Variants in CDC42BPA observed in about 807,000 individuals in gnomAD.
CDC42BPA encodes CDC42 binding protein kinase alpha.
Under a neutral mutation model 223.5 loss-of-function variants are expected in CDC42BPA, and 80 were observed. That is an observed-to-expected ratio of 0.36 (90% CI 0.30 to 0.43). The LOEUF (loss-of-function observed/expected upper bound fraction) is 0.43, where lower values mean the gene tolerates loss of function less well. Among genes scored for constraint, CDC42BPA ranks in the 20% least tolerant of loss-of-function variants. The probability of loss-of-function intolerance (pLI) is 1.00; values close to 1 mark genes in which losing one functional copy is unlikely to be tolerated. For missense variants in CDC42BPA, 1,743 were observed against 2,099.9 expected, an observed-to-expected ratio of 0.83 and a Z score of 3.32; for synonymous variants, 694 against 718.6, an observed-to-expected ratio of 0.97 and a Z score of 0.55.
At chr1:227,270,712 A>T (rs191850626) in intron 1 of CDC42BPA, among the ~76,000 whole-genome samples, 1 of 152,292 alleles carries the variant, frequency 6.6e-6, no homozygotes. Flanking sequence ...AGAACTCTGT[A>T]AACATTAAGC....
intron 4 of CDC42BPA, among the ~76,000 whole-genome samples, chr1:227,197,852 A>G (rs1025215878): frequency 6.6e-6 from 1 of 152,148 alleles, no homozygotes; most frequent in Non-Finnish European, 1.5e-5. Flanking sequence ...TTGTTCTTAC[A>G]AATGTTATTA....
intron 16 of CDC42BPA, among the ~76,000 whole-genome samples, chr1:227,083,461 G>A (rs1043350573): frequency 6.6e-6 from 1 of 152,072 alleles, no homozygotes; most frequent in Non-Finnish European, 1.5e-5. Context: ...CAAATCACAC[G>A]ATTAAAGTCC....
At chr1:227,264,922 C>A in intron 1 of CDC42BPA, 1 of 1,269,100 alleles carries the variant, frequency 7.9e-7, no homozygotes, top group South Asian at 1.2e-5. Flanking sequence ...GCTCAATACC[C>A]CACTCGGTAT....
At chr1:227,116,760 A>G (rs1687840501) in intron 12 of CDC42BPA, among the ~76,000 whole-genome samples, 1 of 152,174 alleles carries the variant, frequency 6.6e-6, no homozygotes, top group Non-Finnish European at 1.5e-5. Flanking sequence ...AAAGTCTTAA[A>G]AAGTAACTTA....
At chr1:227,203,280 C>T (rs1346150895) in intron 3 of CDC42BPA, among the ~76,000 whole-genome samples, 1 of 152,172 alleles carries the variant, frequency 6.6e-6, no homozygotes, top group African/African-American at 2.4e-5. Flanking sequence ...TCACACTGCT[C>T]TCAGTTGCTT....
intron 5 of CDC42BPA, among the ~76,000 whole-genome samples, chr1:227,188,444 G>T (rs753342210): frequency 2.7e-4 from 41 of 151,782 alleles, no homozygotes; most frequent in Non-Finnish European, 4.7e-4. Flanking sequence ...ATAAAATGCA[G>T]CTTCATTCAC....
At position 227,099,111 on chromosome 1, in the gene CDC42BPA, G is replaced by A. The variant is rs1048494383; in HGVS notation, c.2249+1881C>T. 1.1e-4 allele frequency among the ~76,000 whole-genome samples: 17 copies of A among 152,070 alleles called. 1 individual carries two copies. The highest frequency in any genetic ancestry group is 6.6e-5 in the Admixed American group (1 of 15,264). ...TCAGTGTAAACAAACCTACTGTGCTGTCGGCAGTATAAAAGTATAGCACAT... is the reference window on the plus strand; with the variant it reads ...TCAGTGTAAACAAACCTACTGTGCTATCGGCAGTATAAAAGTATAGCACAT... On this transcript the variant is annotated intron_variant, in intron 15 of 36. Coordinates refer to ENST00000366766, the MANE Select transcript of CDC42BPA (RefSeq NM_001394014.1).
chr1:227,074,175 A>G lies in CDC42BPA; in HGVS notation c.2586+84T>C, dbSNP rs1157558242. On this transcript the variant is annotated intron_variant, in intron 18 of 36. Transcript: ENST00000366766. Reference sequence around the variant, plus strand: ...AGGCTCAAAGTCTAAACAAACTGATATAAGTAATTGGATTTATTATAGTGT... The same window carrying G: ...AGGCTCAAAGTCTAAACAAACTGATGTAAGTAATTGGATTTATTATAGTGT... The G allele has an allele frequency of 9.1e-6, 12 of 1,323,298 alleles. No individual in the cohort carries two copies. In the East Asian group the frequency reaches 2.1e-4, roughly 23 times the overall value. The allele number at this position is 1,323,298 out of a possible 1,614,324, so 82.0% of individuals were successfully genotyped here. A position where few individuals can be genotyped will look rare whatever the true frequency, so the allele number is the denominator to read the frequency against.
intron 1 of CDC42BPA, among the ~76,000 whole-genome samples, chr1:227,290,207 C>T (rs935270498): frequency 6.6e-6 from 1 of 152,158 alleles, no homozygotes; most frequent in African/African-American, 2.4e-5. Flanking sequence ...TGCCTTTGAG[C>T]TTCCTTTCCA....
intron 21 of CDC42BPA, among the ~76,000 whole-genome samples, chr1:227,064,893 C>T (rs542271329): frequency 2.6e-5 from 4 of 152,040 alleles, no homozygotes; most frequent in African/African-American, 4.8e-5. Flanking sequence ...GTCAGGAGAT[C>T]AAGACCATCC....
chr1:227,253,572 G>A (rs1682491842), intron 2 of CDC42BPA, among the ~76,000 whole-genome samples: 1 of 151,336 alleles, frequency 6.6e-6, no homozygotes, highest in East Asian at 1.9e-4. Flanking sequence ...CTCCAGCCTG[G>A]GCAACAGAGG....
At chr1:227,185,583 G>C (rs1668635960) in intron 5 of CDC42BPA, among the ~76,000 whole-genome samples, 1 of 152,158 alleles carries the variant, frequency 6.6e-6, no homozygotes. Context: ...GCCTCCTCCA[G>C]CCTTCCAGTA....
chr1:227,099,381 G>A (rs551487917), intron 15 of CDC42BPA, among the ~76,000 whole-genome samples: 1 of 151,788 alleles, frequency 6.6e-6, no homozygotes, highest in Middle Eastern at 3.4e-3. Context: ...GTGACTCACC[G>A]AGAGCAACTT....
At chr1:227,059,809 T>C (rs921845860) in intron 21 of CDC42BPA, among the ~76,000 whole-genome samples, 6 of 152,176 alleles carry the variant, frequency 3.9e-5, no homozygotes, top group African/African-American at 1.4e-4. Context: ...GACATTTACC[T>C]AGTAAATTTT....
At chr1:227,124,167 C>G (rs1689136416) in intron 11 of CDC42BPA, among the ~76,000 whole-genome samples, 1 of 152,112 alleles carries the variant, frequency 6.6e-6, no homozygotes, top group Admixed American at 6.5e-5. Flanking sequence ...TAACCTACCC[C>G]TAACCTTTAG....
At chr1:227,253,270 G>C (rs151272706) in intron 2 of CDC42BPA, among the ~76,000 whole-genome samples, 27 of 152,218 alleles carry the variant, frequency 1.8e-4, no homozygotes, top group African/African-American at 6.3e-4. Flanking sequence ...GAGAGAGAGC[G>C]CGCGCGCGTG....
Position 227,005,104 on chromosome 1 carries a change from C to T in CDC42BPA, c.4865G>A (p.Arg1622Gln), listed in dbSNP as rs749382100. ...QILKDLPMNP[R>Q]PQESRTVFSG... ...GAATACTGTCCGACTTTCCTGAGGC[C>T]GAGGGTTCTATAAACAAAAGCGAGA... The change falls in exon 35 of 37, where the codon CGG becomes CAG. Residue 1622 changes from arginine to glutamine, a missense_variant. This residue lies in a region of CDC42BPA where 200 missense variants were observed against 192.8 expected (regional missense o/e 1.04). Coordinates refer to ENST00000366766, the MANE Select transcript of CDC42BPA (RefSeq NM_001394014.1). 18 of 1,610,780 alleles carry T rather than the reference C, an allele frequency of 1.1e-5. No homozygotes were observed. The highest frequency in any genetic ancestry group is 1.7e-5 in the Admixed American group (1 of 59,998).
chr1:227,035,253 G>C (rs1157134859), intron 25 of CDC42BPA, among the ~76,000 whole-genome samples: 1 of 152,082 alleles, frequency 6.6e-6, no homozygotes, highest in East Asian at 1.9e-4. Flanking sequence ...CACAAGATAG[G>C]AACAATATGG....
chr1:227,266,824 T>C (rs1459178919), intron 1 of CDC42BPA, among the ~76,000 whole-genome samples: 1 of 152,230 alleles, frequency 6.6e-6, no homozygotes, highest in Admixed American at 6.5e-5. Context: ...TCATTTTAAA[T>C]GAGGAAACAA....
Sources: allele counts gnomAD v4.1 joint callset (sites outside exome capture counted in the v4.1 genomes callset), GRCh38; gene constraint gnomAD v4.1.1; regional missense constraint gnomAD v4.1.1; transcripts MANE v1.5; gene names NCBI Gene and HGNC (gene_info 2026-07-23, HGNC 2026-07-21).